KLHL24: variants seen among roughly 807,000 people sequenced by gnomAD.
The protein encoded by KLHL24 is kelch like family member 24.
A neutral mutation model predicts 53.4 loss-of-function variants in KLHL24; 29 were observed. The observed-to-expected ratio is 0.54, with a 90% CI of 0.40 to 0.74. The LOEUF (loss-of-function observed/expected upper bound fraction) is 0.74. Among genes scored for constraint, KLHL24 ranks in the 30% least tolerant of loss-of-function variants. The probability of loss-of-function intolerance (pLI) is 0.00; values close to 1 mark genes in which losing one functional copy is unlikely to be tolerated. For synonymous variants in KLHL24, 222 were observed against 253.7 expected (o/e 0.88, Z 1.19); for missense variants, 504 against 744.0 (o/e 0.68, Z 3.75).
chr3:183,683,097 C>T lies in KLHL24; in HGVS notation c.*3811C>T, dbSNP rs572541804. ...TAGCTGAGACCACAGGTGCGTGCCA[C>T]CACACCCGGCTAATTTTTTTGTATT... On this transcript the variant is annotated 3_prime_UTR_variant, in exon 8 of 8. Transcript: ENST00000242810. The T allele has an allele frequency of 6.6e-6, 1 of 152,314 alleles. No individual in the cohort carries two copies. The highest frequency in any genetic ancestry group is 2.4e-5 in the African/African-American group (1 of 41,520). 9.4% of individuals were successfully genotyped at this position (152,314 alleles called of 1,614,324 possible).
chr3:183,660,125 TTC>T (rs1719504354), intron 3 of KLHL24, among the ~76,000 whole-genome samples: 1 of 140,262 alleles, frequency 7.1e-6, no homozygotes, highest in Non-Finnish European at 1.5e-5. Flanking sequence ...TTTGGCGTTT[TTC>T]TTTCTTTTTT....
At chr3:183,667,745 C>T (rs930270025) in intron 5 of KLHL24, among the ~76,000 whole-genome samples, 1 of 152,020 alleles carries the variant, frequency 6.6e-6, no homozygotes, top group Non-Finnish European at 1.5e-5. Flanking sequence ...GAGATAGGGT[C>T]TTGCTGTGTT....
chr3:183,656,851 A>AG (rs1287044032), intron 3 of KLHL24, among the ~76,000 whole-genome samples: 1 of 151,472 alleles, frequency 6.6e-6, no homozygotes, highest in Non-Finnish European at 1.5e-5. Context: ...GCTTGAGCCC[A>AG]GGAGTTCGAG....
rs1306832779 is a variant in KLHL24, at chr3:183,681,728, T to A, written c.*2442T>A. Reference sequence around the variant, plus strand: ...TTTATCTTCCTTTACTAATTCTTGATAAATAATAGCATTAGACTTGATAAA... The same window carrying A: ...TTTATCTTCCTTTACTAATTCTTGAAAAATAATAGCATTAGACTTGATAAA... On this transcript the variant is annotated 3_prime_UTR_variant, in exon 8 of 8. Transcript: ENST00000242810. 2 of 152,428 alleles carry A rather than the reference T, an allele frequency of 1.3e-5. No homozygotes were observed. The highest frequency in any genetic ancestry group is 2.4e-5 in the African/African-American group (1 of 41,442). The allele number at this position is 152,428 out of a possible 1,614,324, so 9.4% of individuals were successfully genotyped here. A position where few individuals can be genotyped will look rare whatever the true frequency, so the allele number is the denominator to read the frequency against.
intron 3 of KLHL24, among the ~76,000 whole-genome samples, chr3:183,662,023 C>T (rs1719873489): frequency 6.6e-6 from 1 of 151,972 alleles, no homozygotes; most frequent in Non-Finnish European, 1.5e-5. Flanking sequence ...GCTGTGCTCT[C>T]TTTATTTTTA....
chr3:183,648,818 A>G (rs1717696728), intron 2 of KLHL24, among the ~76,000 whole-genome samples: 1 of 152,162 alleles, frequency 6.6e-6, no homozygotes, highest in Non-Finnish European at 1.5e-5. Context: ...CCTGGGCAAC[A>G]TGGCAAAACC....
rs146276368 is a variant in KLHL24, at chr3:183,684,039, C to T, written c.*4753C>T. On this transcript the variant is annotated 3_prime_UTR_variant, in exon 8 of 8. Transcript: ENST00000242810. ...ATATCTATCTTACATTGATTAAACC[C>T]GTGTAAATTCATTTGCAGTATCTAC... 5.2e-5 allele frequency: 8 copies of T among 152,536 alleles called. No homozygotes were observed. Among genetic ancestry groups the T allele is most frequent in the African/African-American group, 9.6e-5 (4 of 41,530 alleles). The allele number at this position is 152,536 out of a possible 1,614,324, so 9.4% of individuals were successfully genotyped here. A position where few individuals can be genotyped will look rare whatever the true frequency, so the allele number is the denominator to read the frequency against.
chr3:183,664,805 C>G, intron 4 of KLHL24, 116 bp from the exon 5 acceptor site: 1 of 526,948 alleles, frequency 1.9e-6, no homozygotes, highest in Admixed American at 3.0e-5. Flanking sequence ...TTCTCAAATT[C>G]TTGAATTAGA....
intron 7 of KLHL24, among the ~76,000 whole-genome samples, chr3:183,677,717 G>A (rs1169272199): frequency 5.3e-5 from 8 of 152,184 alleles, no homozygotes; most frequent in African/African-American, 1.9e-4. Context: ...GGAAATGGAA[G>A]AATATCTGGC....
At chr3:183,640,471 T>C (rs1230941325) in intron 1 of KLHL24, among the ~76,000 whole-genome samples, 1 of 152,168 alleles carries the variant, frequency 6.6e-6, no homozygotes, top group Non-Finnish European at 1.5e-5. Flanking sequence ...AGCAAAGTCA[T>C]ATAGTATATT....
intron 3 of KLHL24, among the ~76,000 whole-genome samples, chr3:183,659,595 C>G (rs1162549844): frequency 1.3e-5 from 2 of 152,186 alleles, no homozygotes; most frequent in Non-Finnish European, 1.5e-5. Context: ...TCAATAAGAC[C>G]TCAAAGAAGA....
intron 1 of KLHL24, among the ~76,000 whole-genome samples, chr3:183,638,076 G>A (rs1004372667): frequency 6.6e-6 from 1 of 152,188 alleles, no homozygotes; most frequent in African/African-American, 2.4e-5. Context: ...TGGTTACACC[G>A]GAATGAGCAT....
At chr3:183,665,085 G>A (rs1289476801) in intron 5 of KLHL24, 46 bp downstream of exon 5, 4 of 941,710 alleles carry the variant, frequency 4.2e-6, no homozygotes, top group Non-Finnish European at 3.4e-6. Flanking sequence ...CCTTTCCAAA[G>A]TAAATACCAC....
intron 1 of KLHL24, among the ~76,000 whole-genome samples, chr3:183,640,539 A>G (rs1716219393): frequency 6.6e-6 from 1 of 151,856 alleles, no homozygotes; most frequent in African/African-American, 2.4e-5. Flanking sequence ...ATTCTATCCA[A>G]AGAAACTCAA....
chr3:183,665,623 G>C (rs897825769), intron 5 of KLHL24, among the ~76,000 whole-genome samples: 2 of 151,916 alleles, frequency 1.3e-5, no homozygotes, highest in African/African-American at 4.8e-5. Context: ...GGTGGCGGGT[G>C]CCTGTAGTCC....
chr3:183,667,107 C>T (rs1720675505), intron 5 of KLHL24, among the ~76,000 whole-genome samples: 1 of 152,128 alleles, frequency 6.6e-6, no homozygotes, highest in Non-Finnish European at 1.5e-5. Context: ...CCTCTCTTTC[C>T]CCACAGGGGT....
chr3:183,650,612 G>A lies in KLHL24; in HGVS notation c.256G>A (p.Ala86Thr). 6.2e-7 allele frequency: 1 copy of A among 1,614,184 alleles called. No homozygotes were observed. The highest frequency in any genetic ancestry group is 1.1e-5 in the South Asian group (1 of 91,086). ...EFPCHRAVLSACSSYFRAMFC... is the reference protein window; with the variant it reads ...EFPCHRAVLSTCSSYFRAMFC... ...TCCTTGCCATAGAGCTGTGCTCTCA[G>A]CCTGTAGCAGCTACTTCAGAGCTAT... The change falls in exon 3 of 8, where the codon GCC becomes ACC. Residue 86 changes from alanine to threonine, a missense_variant. Transcript: ENST00000242810. This position sits in a 1 kb window ranked among gnomAD's most constrained non-coding sequence, Gnocchi z 4.5.
intron 2 of KLHL24, 148 bp downstream of exon 2, chr3:183,643,690 T>C (rs1366249384): frequency 3.3e-5 from 5 of 152,168 alleles, no homozygotes; most frequent in Non-Finnish European, 7.3e-5. Flanking sequence ...AGTGTGACAA[T>C]CATTTCTGTT....
In KLHL24 at chr3:183,682,700, C is replaced by G. The variant is rs11927407; in HGVS notation, c.*3414C>G. 0.33 allele frequency: 50,955 copies of G among 152,334 alleles called. 9,375 individuals are homozygous for G. The highest frequency in any genetic ancestry group is 0.49 in the African/African-American group (20,222 of 41,376). The allele number at this position is 152,334 out of a possible 1,614,324, so 9.4% of individuals were successfully genotyped here. On this transcript the variant is annotated 3_prime_UTR_variant, in exon 8 of 8. Coordinates refer to ENST00000242810, the MANE Select transcript of KLHL24 (RefSeq NM_017644.3). ...CTGAATATGAATTGTTTATGTATCTCTACTGTCAAATAGCCTTTTTGAAAC... is the reference window on the plus strand; with the variant it reads ...CTGAATATGAATTGTTTATGTATCTGTACTGTCAAATAGCCTTTTTGAAAC...
Sources: allele counts gnomAD v4.1 joint callset (sites outside exome capture counted in the v4.1 genomes callset), GRCh38; gene constraint gnomAD v4.1.1; non-coding constraint Gnocchi (gnomAD v3.1); transcripts MANE v1.5; gene names NCBI Gene and HGNC (gene_info 2026-07-23, HGNC 2026-07-21).